The following PHF20L1 variants were observed in gnomAD, a reference collection of about 807,000 sequenced individuals.
PHF20L1 encodes PHD finger protein 20 like 1.
PHF20L1 carries 44 observed loss-of-function variants against 125.5 expected under a neutral mutation model. The observed-to-expected ratio is 0.35, with a 90% CI of 0.28 to 0.45. PHF20L1 has a LOEUF of 0.45. PHF20L1 is among the 20% of genes least tolerant of loss of function. The probability of loss-of-function intolerance (pLI) is 1.00; values close to 1 mark genes in which losing one functional copy is unlikely to be tolerated. For synonymous variants in PHF20L1, 380 were observed against 403.1 expected (o/e 0.94, Z 0.69); for missense variants, 1,012 against 1,217.2 (o/e 0.83, Z 2.51).
At chr8:132,844,443 A>G (rs1838239192) in intron 20 of PHF20L1, 125 bp downstream of exon 20, 1 of 675,272 alleles carries the variant, frequency 1.5e-6, no homozygotes, top group Admixed American at 2.8e-5. Flanking sequence ...ATGGGGCTTT[A>G]TTACTCCCTT....
intron 8 of PHF20L1, chr8:132,807,570 A>AT (rs1833879011): frequency 2.8e-6 from 1 of 362,370 alleles, no homozygotes; most frequent in Non-Finnish European, 5.4e-6. Flanking sequence ...TAATAATATC[A>AT]AGAATATTTG....
intron 8 of PHF20L1, chr8:132,809,352 A>C (rs1327310587): frequency 6.6e-6 from 1 of 152,044 alleles, no homozygotes; most frequent in Non-Finnish European, 1.5e-5. Context: ...TTTTTAGTAG[A>C]GATGGTGTTT....
rs906438727 is a variant in PHF20L1 at position 132,817,417 on chromosome 8, C to T, written c.1451C>T (p.Thr484Ile). 1 of 1,612,774 alleles carries T rather than the reference C, an allele frequency of 6.2e-7. No homozygotes were observed. Among genetic ancestry groups the T allele is most frequent in the Non-Finnish European group, 8.5e-7 (1 of 1,179,188 alleles). ...GACTTAAGTCGTGGTTCAGAAGTTA[C>T]AGCACCGGTAGCCTCAGATTCCTCT... The part of the protein sequence containing the change: ...PLDLSRGSEV[T>I]APVASDSSYR... The change falls in exon 12 of 21, where the codon ACA becomes ATA. Residue 484 changes from threonine (T) to isoleucine (I), a missense_variant. Thr to Ile is a moderately conservative substitution (Grantham distance 89, BLOSUM62 -1). Transcript: ENST00000395386.
At chr8:132,794,270 G>A in intron 2 of PHF20L1, 140 bp from the exon 3 acceptor site, 1 of 557,234 alleles carries the variant, frequency 1.8e-6, no homozygotes, top group Non-Finnish European at 3.2e-6. Flanking sequence ...GAGTTTTTTG[G>A]TTAGTTTTAA....
At chr8:132,779,981 TAGCCA>T (rs1237854545) in intron 2 of PHF20L1, among the ~76,000 whole-genome samples, 3 of 152,208 alleles carry the variant, frequency 2.0e-5, no homozygotes, top group African/African-American at 7.2e-5. Flanking sequence ...AAATAAGCAT[TAGCCA>T]GGATAATCAC....
intron 17 of PHF20L1, 31 bp from the exon 18 acceptor site, chr8:132,839,356 C>T (rs372908178): frequency 1.2e-5 from 19 of 1,546,328 alleles, no homozygotes; most frequent in African/African-American, 1.1e-4. Flanking sequence ...AAGTGCAGTC[C>T]TCTGTGATTT....
At chr8:132,812,130 T>G in intron 9 of PHF20L1, 1 of 980,170 alleles carries the variant, frequency 1.0e-6, no homozygotes, top group Non-Finnish European at 1.2e-6. Flanking sequence ...TCTGTGATCA[T>G]CCAACGGTTA....
At position 132,827,089 on chromosome 8, in the gene PHF20L1, T is replaced by G. The variant is rs16904745; in HGVS notation, c.1744+1718T>G. 9.0e-3 allele frequency among the ~76,000 whole-genome samples: 1,358 copies of G among 151,608 alleles called. 37 individuals are homozygous for G. The highest frequency in any genetic ancestry group is 0.087 in the East Asian group (443 of 5,106). On this transcript the variant is annotated intron_variant, in intron 14 of 20. Coordinates refer to ENST00000395386, the MANE Select transcript of PHF20L1 (RefSeq NM_016018.5). ...TGGGGTTCAAAGCTTGAAACGGCTT[T>G]CCAGAGAGTCTTGAACATTTCCGGG...
At chr8:132,793,959 G>A (rs926016716) in intron 2 of PHF20L1, among the ~76,000 whole-genome samples, 1 of 152,124 alleles carries the variant, frequency 6.6e-6, no homozygotes, top group Non-Finnish European at 1.5e-5. Flanking sequence ...ACCACATTCA[G>A]TGACTACATA....
At position 132,844,178 on chromosome 8, in the gene PHF20L1, T is replaced by C; in HGVS notation, c.2771T>C (p.Val924Ala). Reference protein sequence around the residue: ...PEKNPAEGNTVFVYNDKKGTE... With the variant: ...PEKNPAEGNTAFVYNDKKGTE... ...AAGAATCCAGCTGAAGGGAATACAGTATTTGTTTATAATGATAAAAAGGGC... is the reference window on the plus strand; with the variant it reads ...AAGAATCCAGCTGAAGGGAATACAGCATTTGTTTATAATGATAAAAAGGGC... Residue 924 changes from valine to alanine, a missense_variant, in exon 20 of 21, where the codon GTA (valine) becomes GCA (alanine). Val to Ala is a moderately conservative substitution (Grantham distance 64). This residue lies in a region of PHF20L1 where 277 missense variants were observed against 283.6 expected (regional missense o/e 0.98). Coordinates refer to ENST00000395386, the MANE Select transcript of PHF20L1 (RefSeq NM_016018.5). 20 of 1,612,644 alleles carry C rather than the reference T, an allele frequency of 1.2e-5. No homozygotes were observed. Among genetic ancestry groups the C allele is most frequent in the Non-Finnish European group, 1.6e-5 (19 of 1,179,058 alleles).
rs1838469338 is a variant in PHF20L1 at position 132,847,074 on chromosome 8, G to A, written c.*1151G>A. ...GCTGTGTTAGCTCTTGCTGGATTTT[G>A]AGCCTAGGTCCTACTGTCTGCCAGT... On this transcript the variant is annotated 3_prime_UTR_variant, in exon 21 of 21. Coordinates refer to ENST00000395386, the MANE Select transcript of PHF20L1 (RefSeq NM_016018.5). 6.6e-6 allele frequency: 1 copy of A among 152,570 alleles called. No individual in the cohort carries two copies. Among genetic ancestry groups the A allele is most frequent in the African/African-American group, 2.4e-5 (1 of 41,428 alleles). 9.5% of individuals were successfully genotyped at this position (152,570 alleles called of 1,614,324 possible).
At chr8:132,836,976 AT>A (rs1470411790) in intron 16 of PHF20L1, among the ~76,000 whole-genome samples, 1 of 152,098 alleles carries the variant, frequency 6.6e-6, no homozygotes, top group Non-Finnish European at 1.5e-5. Context: ...CTTTAGAGTG[AT>A]TAGGGTGGTA....
At chr8:132,811,804 G>T (rs1337693305) in intron 9 of PHF20L1, 1 of 984,432 alleles carries the variant, frequency 1.0e-6, no homozygotes, top group Non-Finnish European at 1.2e-6. Flanking sequence ...CTATAAGAAC[G>T]CAGTAATAGC....
chr8:132,817,230 T>G (rs1835086014), intron 11 of PHF20L1, 109 bp from the exon 12 acceptor site: 4 of 1,020,070 alleles, frequency 3.9e-6, no homozygotes, highest in East Asian at 5.0e-5. Context: ...ATTGAGTGCC[T>G]TCTTTGTGCC....
chr8:132,794,911 T>G (rs1166966240), intron 4 of PHF20L1, 94 bp downstream of exon 4: 5 of 725,970 alleles, frequency 6.9e-6, no homozygotes, highest in Non-Finnish European at 9.3e-6. Context: ...ATGTAATCAT[T>G]ACGTATAACT....
intron 8 of PHF20L1, chr8:132,808,796 A>G (rs1834024349): frequency 6.8e-6 from 1 of 146,248 alleles, no homozygotes; most frequent in South Asian, 2.2e-4. Flanking sequence ...GTAACAAACT[A>G]TTTAGTTTTT....
chr8:132,784,465 T>G (rs1830784728), intron 2 of PHF20L1, among the ~76,000 whole-genome samples: 1 of 152,158 alleles, frequency 6.6e-6, no homozygotes, highest in Admixed American at 6.5e-5. Flanking sequence ...CCAAACTCAA[T>G]TTCATTTTAT....
At chr8:132,836,311 A>G in intron 15 of PHF20L1, 1 of 333,460 alleles carries the variant, frequency 3.0e-6, no homozygotes, top group Non-Finnish European at 5.4e-6. Context: ...ACTTTGAGTT[A>G]CTTATAATAG....
chr8:132,793,993 ATTGT>A (rs758587765), intron 2 of PHF20L1, among the ~76,000 whole-genome samples: 2 of 152,142 alleles, frequency 1.3e-5, no homozygotes, highest in East Asian at 1.9e-4. Flanking sequence ...TGGATATATC[ATTGT>A]TTGTGTAGCT....
Sources: allele counts gnomAD v4.1 joint callset (sites outside exome capture counted in the v4.1 genomes callset), GRCh38; gene constraint gnomAD v4.1.1; regional missense constraint gnomAD v4.1.1; transcripts MANE v1.5; gene names NCBI Gene and HGNC (gene_info 2026-07-23, HGNC 2026-07-21).